AP3B1: variants seen among roughly 807,000 people sequenced by gnomAD.
AP3B1 encodes the protein AP-3 complex subunit beta-1.
Under a neutral mutation model 132.5 loss-of-function variants are expected in AP3B1, and 61 were observed. The observed-to-expected ratio is 0.46, with a 90% CI of 0.37 to 0.57. The LOEUF is 0.57. AP3B1 is among the 20% of genes least tolerant of loss of function. The pLI is 0.00. For synonymous variants in AP3B1, 388 were observed against 438.3 expected (o/e 0.89, Z 1.43); for missense variants, 1,120 against 1,289.4 (o/e 0.87, Z 2.01).
chr5:78,052,461 T>A (rs1265302608), intron 22 of AP3B1, among the ~76,000 whole-genome samples: 1 of 152,138 alleles, frequency 6.6e-6, no homozygotes, highest in Non-Finnish European at 1.5e-5. Flanking sequence ...TCAAAAGTAA[T>A]ATGATTGTAA....
intron 2 of AP3B1, among the ~76,000 whole-genome samples, chr5:78,264,637 A>T (rs1737059282): frequency 6.6e-6 from 1 of 152,246 alleles, no homozygotes; most frequent in Admixed American, 6.5e-5. Flanking sequence ...TTTTTAAAAG[A>T]TGCAAGCAAC....
At chr5:78,132,628 T>C (rs1752738760) in intron 15 of AP3B1, among the ~76,000 whole-genome samples, 1 of 152,242 alleles carries the variant, frequency 6.6e-6, no homozygotes. Context: ...CAGAATTATA[T>C]AAACATCTTC....
chr5:78,203,520 G>A (rs763476172), intron 7 of AP3B1, among the ~76,000 whole-genome samples: 31 of 152,126 alleles, frequency 2.0e-4, no homozygotes, highest in Non-Finnish European at 3.8e-4. Context: ...TTCAAGGTGA[G>A]ATATGGGGGG....
At chr5:78,065,035 C>T (rs978212515) in intron 22 of AP3B1, among the ~76,000 whole-genome samples, 5 of 152,082 alleles carry the variant, frequency 3.3e-5, no homozygotes, top group African/African-American at 4.8e-5. Flanking sequence ...GTGGTTGGCA[C>T]GACCCACGGA....
In AP3B1 at chr5:78,014,214, A is replaced by G. The variant is rs115270275; in HGVS notation, c.3131+1196T>C. 5.5e-3 allele frequency among the ~76,000 whole-genome samples: 832 copies of G among 152,220 alleles called. 11 individuals are homozygous for G. Among genetic ancestry groups the G allele is most frequent in the African/African-American group, 0.019 (780 of 41,542 alleles). ...GAGACCTCTTGAGCAACTTAAAAAAAAAAAAAACAGTACAAGGTAAATCTA... is the reference window on the plus strand; with the variant it reads ...GAGACCTCTTGAGCAACTTAAAAAAGAAAAAAACAGTACAAGGTAAATCTA... On this transcript the variant is annotated intron_variant, in intron 26 of 26. Coordinates refer to ENST00000255194, the MANE Select transcript of AP3B1 (RefSeq NM_003664.5).
At chr5:78,160,243 A>ACC (rs1428440712) in intron 13 of AP3B1, among the ~76,000 whole-genome samples, 1 of 152,222 alleles carries the variant, frequency 6.6e-6, no homozygotes, top group African/African-American at 2.4e-5. Context: ...TTAAGTCTTC[A>ACC]ATAAATGCTT....
chr5:78,155,910 T>C (rs1219129475), intron 14 of AP3B1, among the ~76,000 whole-genome samples: 1 of 152,176 alleles, frequency 6.6e-6, no homozygotes, highest in Non-Finnish European at 1.5e-5. Flanking sequence ...CTCAATGGTA[T>C]TGTTTCTAAC....
chr5:78,263,901 C>T (rs1249858564), intron 2 of AP3B1, among the ~76,000 whole-genome samples: 1 of 152,134 alleles, frequency 6.6e-6, no homozygotes, highest in Non-Finnish European at 1.5e-5. Flanking sequence ...TGTATCTTTA[C>T]TGTAACTTTC....
At chr5:78,172,972 A>G (rs950141149) in intron 11 of AP3B1, among the ~76,000 whole-genome samples, 6 of 152,222 alleles carry the variant, frequency 3.9e-5, no homozygotes, top group Non-Finnish European at 8.8e-5. Context: ...CTTTGTTCTC[A>G]TTGGTTTCAA....
chr5:78,053,011 A>C (rs1748646931), intron 22 of AP3B1, among the ~76,000 whole-genome samples: 1 of 152,236 alleles, frequency 6.6e-6, no homozygotes, highest in African/African-American at 2.4e-5. Context: ...ATTTCTTTAG[A>C]ACCCAGAGCA....
At position 78,110,360 on chromosome 5, in the gene AP3B1, C is replaced by T. The variant is rs774923466; in HGVS notation, c.2250-6G>A. On this transcript the variant is annotated splice_polypyrimidine_tract_variant and splice_region_variant and intron_variant, in intron 19 of 26. Coordinates refer to ENST00000255194, the MANE Select transcript of AP3B1 (RefSeq NM_003664.5). ...TCTCCCCATCTTCAGAATCACTACACATAATAGTAAATTTTGAAATATGAA... is the reference window on the plus strand; with the variant it reads ...TCTCCCCATCTTCAGAATCACTACATATAATAGTAAATTTTGAAATATGAA... 1.1e-5 allele frequency: 18 copies of T among 1,598,672 alleles called. No homozygotes were observed. In the South Asian group the frequency reaches 1.8e-4, roughly 16 times the overall value.
At chr5:78,015,340 G>T in intron 26 of AP3B1, 70 bp downstream of exon 26, 1 of 1,475,490 alleles carries the variant, frequency 6.8e-7, no homozygotes, top group Non-Finnish European at 9.4e-7. Flanking sequence ...AGAAAACAAT[G>T]AATTTAAAAT....
intron 22 of AP3B1, among the ~76,000 whole-genome samples, chr5:78,047,607 T>C (rs1370656438): frequency 1.3e-5 from 2 of 152,194 alleles, no homozygotes; most frequent in Non-Finnish European, 2.9e-5. Context: ...TATTAGACCT[T>C]TGTCAGATGG....
At chr5:78,016,983 T>G (rs1351047264) in intron 25 of AP3B1, among the ~76,000 whole-genome samples, 1 of 152,132 alleles carries the variant, frequency 6.6e-6, no homozygotes, top group Non-Finnish European at 1.5e-5. Flanking sequence ...CAACTATGTT[T>G]ATGTTAAAAG....
intron 22 of AP3B1, chr5:78,087,783 CTTA>C (rs772075892): frequency 4.1e-5 from 30 of 732,638 alleles, no homozygotes; most frequent in Middle Eastern, 6.9e-4. Flanking sequence ...CTGCTTTCTT[CTTA>C]TTATTAATAA....
At chr5:78,214,645 G>A (rs1380891284) in intron 7 of AP3B1, among the ~76,000 whole-genome samples, 2 of 152,092 alleles carry the variant, frequency 1.3e-5, no homozygotes, top group African/African-American at 4.8e-5. Flanking sequence ...GGAATTGGCT[G>A]AAATCAAACA....
intron 22 of AP3B1, among the ~76,000 whole-genome samples, chr5:78,065,274 C>T (rs774558881): frequency 1.3e-5 from 2 of 152,170 alleles, no homozygotes; most frequent in Non-Finnish European, 2.9e-5. Context: ...AGTGGCCCCT[C>T]GGCTGGAGAC....
chr5:78,177,688 C>T (rs2112406157), intron 8 of AP3B1, among the ~76,000 whole-genome samples: 1 of 151,956 alleles, frequency 6.6e-6, no homozygotes, highest in South Asian at 2.1e-4. Flanking sequence ...TGACATCATG[C>T]TGGTTAAGAG....
At chr5:78,137,665 G>A (rs1044792248) in intron 15 of AP3B1, among the ~76,000 whole-genome samples, 4 of 152,042 alleles carry the variant, frequency 2.6e-5, no homozygotes, top group Admixed American at 6.5e-5. Flanking sequence ...TCAGAAAGTC[G>A]TTTGTTTCTT....
Sources: gnomAD v4.1 joint callset for allele counts (sites outside exome capture counted in the v4.1 genomes callset) on GRCh38, gnomAD v4.1.1 for gene constraint, MANE v1.5 for transcripts, NCBI Gene and HGNC (gene_info 2026-07-23, HGNC 2026-07-21) for gene names.